The following RIMKLB variants were observed in gnomAD, a reference collection of about 807,000 sequenced individuals.
RIMKLB encodes the protein ribosomal modification protein rimK like family member B.
A neutral mutation model predicts 32.0 loss-of-function variants in RIMKLB; 7 were observed. The observed-to-expected ratio is 0.22, with a 90% CI of 0.12 to 0.41. The LOEUF (loss-of-function observed/expected upper bound fraction) is 0.41, where lower values mean the gene tolerates loss of function less well. Ranked by LOEUF, RIMKLB falls within the 10% of genes least tolerant of loss-of-function variation. The pLI, the probability that RIMKLB is intolerant of heterozygous loss-of-function variation, is 1.00. For synonymous variants in RIMKLB, 172 were observed against 185.1 expected, an observed-to-expected ratio of 0.93 and a Z score of 0.57; for missense variants, 289 against 498.7, an observed-to-expected ratio of 0.58 and a Z score of 4.00.
At chr12:8,768,757 C>A (rs756592967) in intron 5 of RIMKLB, among the ~76,000 whole-genome samples, 6 of 152,050 alleles carry the variant, frequency 3.9e-5, no homozygotes, top group African/African-American at 1.4e-4. Flanking sequence ...CTTCTGGGGG[C>A]GGTTTTGGAA....
At chr12:8,714,425 G>A (rs1012691234) in intron 2 of RIMKLB, among the ~76,000 whole-genome samples, 2 of 152,072 alleles carry the variant, frequency 1.3e-5, no homozygotes, top group African/African-American at 2.4e-5. Context: ...CATTTTTACT[G>A]TCTTCTATTT....
chr12:8,732,781 A>T (rs373876033), intron 2 of RIMKLB, among the ~76,000 whole-genome samples: 2,661 of 150,728 alleles, frequency 0.018, 26 homozygotes, highest in African/African-American at 0.035. Context: ...ACACACACAC[A>T]CTCTCTTTAA....
At chr12:8,694,496 A>AC (rs35595795), upstream of RIMKLB, among the ~76,000 whole-genome samples, 34,246 of 150,436 alleles carry the variant, frequency 0.23, 4,123 homozygotes, top group Non-Finnish European at 0.26. Flanking sequence ...CCAGGTTCAA[A>AC]AATTCTCCTG....
chr12:8,756,451 C>T (rs1293816987), intron 5 of RIMKLB, among the ~76,000 whole-genome samples: 2 of 151,928 alleles, frequency 1.3e-5, no homozygotes, highest in Non-Finnish European at 2.9e-5. Flanking sequence ...ACATAATGTT[C>T]ATTTAAAAAG....
chr12:8,704,999 C>CACACACACACACAAAAAAAAA (rs35908223), intron 1 of RIMKLB, among the ~76,000 whole-genome samples: 9 of 151,538 alleles, frequency 5.9e-5, no homozygotes, highest in African/African-American at 1.9e-4. Flanking sequence ...CACACACACA[C>CACACACACACACAAAAAAAAA]AAAACCCCAA....
chr12:8,710,427 C>G (rs932799321), intron 1 of RIMKLB, among the ~76,000 whole-genome samples: 1 of 151,672 alleles, frequency 6.6e-6, no homozygotes, highest in Non-Finnish European at 1.5e-5. Flanking sequence ...CCTGCCTCAG[C>G]CTCCCGAGTA....
chr12:8,718,651 CTCTATATATATATA>C (rs1181983226), intron 2 of RIMKLB, among the ~76,000 whole-genome samples: 2 of 98,390 alleles, frequency 2.0e-5, no homozygotes, highest in African/African-American at 7.8e-5. Context: ...CTCTCTCTCT[CTCTATATATATATA>C]TATATGTGTG....
intron 2 of RIMKLB, among the ~76,000 whole-genome samples, chr12:8,739,561 C>T (rs1244311084): frequency 1.3e-5 from 2 of 152,196 alleles, no homozygotes; most frequent in East Asian, 3.9e-4. Context: ...GCTTGAACCT[C>T]ATAGGTGCAA....
chr12:8,703,348 C>T (rs993062549), intron 1 of RIMKLB, among the ~76,000 whole-genome samples: 2 of 152,064 alleles, frequency 1.3e-5, no homozygotes, highest in Non-Finnish European at 2.9e-5. Flanking sequence ...TTTTTTAAGG[C>T]AGGGTTTTGC....
chr12:8,746,303 G>A (rs185254592), intron 2 of RIMKLB, among the ~76,000 whole-genome samples: 13 of 151,338 alleles, frequency 8.6e-5, no homozygotes, highest in Admixed American at 2.0e-4. Context: ...CACTGCTAAC[G>A]CCTAAGAAAT....
chr12:8,708,010 G>A (rs764528879), intron 1 of RIMKLB, among the ~76,000 whole-genome samples: 6 of 151,996 alleles, frequency 3.9e-5, no homozygotes, highest in African/African-American at 9.7e-5. Context: ...AAATTCTATC[G>A]TATGTTACAA....
chr12:8,741,130 C>T (rs1303898795), intron 2 of RIMKLB, among the ~76,000 whole-genome samples: 2 of 152,132 alleles, frequency 1.3e-5, no homozygotes, highest in Middle Eastern at 3.4e-3. Flanking sequence ...TGCTTGAACC[C>T]GGGAGACGGA....
At chr12:8,764,740 G>A (rs970402588) in intron 5 of RIMKLB, among the ~76,000 whole-genome samples, 5 of 152,148 alleles carry the variant, frequency 3.3e-5, no homozygotes, top group African/African-American at 2.4e-5. Context: ...CGTCCCCTGG[G>A]GCAGTGGGCC....
chr12:8,675,382 C>G, the RIMKLB span, among the ~76,000 whole-genome samples: 3 of 151,962 alleles, frequency 2.0e-5, no homozygotes, highest in African/African-American at 7.3e-5. Flanking sequence ...TTTTCTTCTT[C>G]TTCTGTTTAC....
intron 2 of RIMKLB, among the ~76,000 whole-genome samples, chr12:8,714,570 C>T (rs1294497396): frequency 2.6e-5 from 4 of 151,946 alleles, no homozygotes; most frequent in Admixed American, 1.3e-4. Flanking sequence ...TAAACTAATA[C>T]GGTTTTATAG....
At chr12:8,728,787 G>T (rs564336909) in intron 2 of RIMKLB, among the ~76,000 whole-genome samples, 150 of 142,176 alleles carry the variant, frequency 1.1e-3, no homozygotes, top group Non-Finnish European at 1.6e-3. Flanking sequence ...GTGTGTGTGT[G>T]TTTTTGTTTG....
chr12:8,782,235 T>TTTGTCTAGGCATATTGGCACA (rs768127537), intron 7 of RIMKLB, among the ~76,000 whole-genome samples: 15 of 152,296 alleles, frequency 9.8e-5, no homozygotes, highest in African/African-American at 3.1e-4. Context: ...TTGAATTTTG[T>TTTGTCTAGGCATATTGGCACA]TTGTCTAGGC....
At chr12:8,717,068 T>TC (rs1432260726) in intron 2 of RIMKLB, among the ~76,000 whole-genome samples, 6 of 149,948 alleles carry the variant, frequency 4.0e-5, no homozygotes, top group African/African-American at 1.5e-4. Flanking sequence ...TTTTTTTTTT[T>TC]TCTTTTTTTT....
At chr12:8,766,892 A>G (rs1950014039) in intron 5 of RIMKLB, among the ~76,000 whole-genome samples, 1 of 152,216 alleles carries the variant, frequency 6.6e-6, no homozygotes. Flanking sequence ...TTGACTTAGG[A>G]TAATTCTGAA....
Sources: allele counts gnomAD v4.1 joint callset (sites outside exome capture counted in the v4.1 genomes callset), GRCh38; gene constraint gnomAD v4.1.1; transcripts MANE v1.5; gene names NCBI Gene and HGNC (gene_info 2026-07-23, HGNC 2026-07-21).